DLAT: variants seen among roughly 807,000 people sequenced by gnomAD.
DLAT encodes the protein dihydrolipoamide S-acetyltransferase.
In DLAT, 43 loss-of-function variants were observed where a neutral mutation model predicts 68.0. The observed-to-expected ratio is 0.63, with a 90% CI of 0.50 to 0.81. DLAT has a LOEUF of 0.81. DLAT is among the 40% of genes least tolerant of loss of function. The pLI, the probability that DLAT is intolerant of heterozygous loss-of-function variation, is 0.00. For synonymous variants in DLAT, 265 were observed against 288.6 expected (o/e 0.92, Z 0.83); for missense variants, 745 against 815.4 (o/e 0.91, Z 1.05).
Position 112,046,585 on chromosome 11 carries a change from A to C in DLAT, c.1398+615A>C, listed in dbSNP as rs587727339. On this transcript the variant is annotated intron_variant, in intron 10 of 13. Coordinates refer to ENST00000280346, the MANE Select transcript of DLAT (RefSeq NM_001931.5). ...CACCCACCAACCCATCATCTACATT[A>C]GGTATTTCTCCTAATGCTATCCCTC... Among the ~76,000 whole-genome samples the C allele has an allele frequency of 3.3e-5, 5 of 152,086 alleles. No individual in the cohort carries two copies. The South Asian group carries it at 1.0e-3, about 32-fold the overall frequency.
intron 4 of DLAT, among the ~76,000 whole-genome samples, chr11:112,029,558 C>A (rs1352430743): frequency 6.6e-6 from 1 of 152,076 alleles, no homozygotes; most frequent in African/African-American, 2.4e-5. Flanking sequence ...TACCATGGGG[C>A]ATGCAGCAAG....
chr11:112,030,125 A>G, intron 4 of DLAT: 2 of 744,286 alleles, frequency 2.7e-6, no homozygotes, highest in Non-Finnish European at 4.8e-6. Flanking sequence ...TACCATCTCC[A>G]TTAACAAAAT....
intron 6 of DLAT, among the ~76,000 whole-genome samples, chr11:112,038,380 G>A (rs769647180): frequency 4.0e-5 from 6 of 151,292 alleles, no homozygotes; most frequent in Non-Finnish European, 8.8e-5. Context: ...TTTATTTTTA[G>A]TAGAGAAGGG....
chr11:112,047,981 G>GT (rs1388375091), intron 10 of DLAT, among the ~76,000 whole-genome samples: 7 of 152,060 alleles, frequency 4.6e-5, no homozygotes, highest in Non-Finnish European at 7.4e-5. Context: ...ATTTAAAGTA[G>GT]TTTTTTTCTA....
At chr11:112,057,343 A>C (rs1267054834) in intron 11 of DLAT, among the ~76,000 whole-genome samples, 1 of 152,248 alleles carries the variant, frequency 6.6e-6, no homozygotes, top group East Asian at 1.9e-4. Flanking sequence ...TCTTACTTTA[A>C]ATCAAAAGCT....
chr11:112,060,131 T>G, intron 12 of DLAT, 66 bp downstream of exon 12: 1 of 1,415,222 alleles, frequency 7.1e-7, no homozygotes, highest in African/African-American at 1.4e-5. Flanking sequence ...ATTTATTGCA[T>G]TTTTCACCTT....
intron 4 of DLAT, among the ~76,000 whole-genome samples, chr11:112,031,885 GTTTTTTTTTTT>G (rs55866523): frequency 1.3e-4 from 6 of 45,388 alleles, no homozygotes; most frequent in African/African-American, 4.6e-4. Flanking sequence ...GGTCTTTCCT[GTTTTTTTTTTT>G]TTTTTTTTTT....
chr11:112,053,959 C>T (rs587703563), intron 11 of DLAT, among the ~76,000 whole-genome samples: 77 of 152,244 alleles, frequency 5.1e-4, no homozygotes, highest in African/African-American at 1.8e-3. Context: ...GCCCTTCCTA[C>T]ATACACACAC....
chr11:112,043,142 A>G (rs1863133040), intron 7 of DLAT, among the ~76,000 whole-genome samples: 1 of 152,236 alleles, frequency 6.6e-6, no homozygotes, highest in Admixed American at 6.5e-5. Flanking sequence ...ACATTTCCCA[A>G]TTTAAAAGTA....
chr11:112,037,580 A>T, intron 6 of DLAT, 120 bp downstream of exon 6: 2 of 967,806 alleles, frequency 2.1e-6, no homozygotes, highest in Non-Finnish European at 3.2e-6. Context: ...GAGGAGGGAG[A>T]TAGTTTATTA....
chr11:112,057,320 A>G (rs1180633392), intron 11 of DLAT, among the ~76,000 whole-genome samples: 1 of 152,228 alleles, frequency 6.6e-6, no homozygotes, highest in Non-Finnish European at 1.5e-5. Context: ...AGTGAAAGGA[A>G]GACTTTCACG....
chr11:112,055,623 C>T (rs1863980686), intron 11 of DLAT, among the ~76,000 whole-genome samples: 1 of 151,958 alleles, frequency 6.6e-6, no homozygotes, highest in African/African-American at 2.4e-5. Flanking sequence ...ACTGAACATA[C>T]CTTTCAGTTC....
chr11:112,044,367 G>T (rs587773109), intron 8 of DLAT, among the ~76,000 whole-genome samples: 1 of 152,006 alleles, frequency 6.6e-6, no homozygotes, highest in Non-Finnish European at 1.5e-5. Context: ...GCTAATTTTC[G>T]TATGTTTAGT....
intron 4 of DLAT, among the ~76,000 whole-genome samples, chr11:112,031,338 G>T (rs1214276299): frequency 6.6e-6 from 1 of 152,164 alleles, no homozygotes; most frequent in African/African-American, 2.4e-5. Flanking sequence ...ATTTAGATAG[G>T]CATTCTGATG....
At chr11:112,040,459 C>T (rs1862994057) in intron 7 of DLAT, among the ~76,000 whole-genome samples, 4 of 152,174 alleles carry the variant, frequency 2.6e-5, no homozygotes. Context: ...TGTTTCTTCA[C>T]ACTACCCTAT....
rs587606668 is a variant in DLAT at position 112,036,415 on chromosome 11, G to A, written c.788-858G>A. ...TTTAGTAGAGACGGGGTTTCTCCAC[G>A]TTGGTCAGGCTGGTCTCGAACTCCC... On this transcript the variant is annotated intron_variant, in intron 5 of 13. Coordinates refer to ENST00000280346, the MANE Select transcript of DLAT (RefSeq NM_001931.5). Among the ~76,000 whole-genome samples the A allele has an allele frequency of 2.6e-5, 4 of 151,122 alleles. No individual in the cohort carries two copies. The East Asian group carries it at 7.9e-4, about 30-fold the overall frequency.
intron 2 of DLAT, 34 bp downstream of exon 2, chr11:112,026,333 T>C: frequency 8.5e-7 from 1 of 1,170,690 alleles, no homozygotes; most frequent in Non-Finnish European, 1.2e-6. Flanking sequence ...ATTAATTTAT[T>C]TATTTTTTTT....
At chr11:112,039,982 C>T (rs1223113614) in intron 7 of DLAT, among the ~76,000 whole-genome samples, 5 of 152,130 alleles carry the variant, frequency 3.3e-5, no homozygotes, top group African/African-American at 1.2e-4. Context: ...CAGTGAATTA[C>T]TTAGATTGTA....
chr11:112,053,562 C>T (rs1355561393), intron 11 of DLAT, among the ~76,000 whole-genome samples: 3 of 151,978 alleles, frequency 2.0e-5, no homozygotes, highest in African/African-American at 7.2e-5. Context: ...AAGCAATTTT[C>T]CTACCTCAGC....
Sources: allele counts gnomAD v4.1 joint callset (sites outside exome capture counted in the v4.1 genomes callset), GRCh38; gene constraint gnomAD v4.1.1; transcripts MANE v1.5; gene names NCBI Gene and HGNC (gene_info 2026-07-23, HGNC 2026-07-21).